The following FSD1L variants were observed in gnomAD, a reference collection of about 807,000 sequenced individuals.
FSD1L encodes the protein FSD1-like protein.
FSD1L carries 45 observed loss-of-function variants against 71.6 expected under a neutral mutation model. The ratio of observed to expected loss-of-function variants is 0.63; its 90% confidence interval spans 0.49 to 0.81. FSD1L has a LOEUF of 0.81. Ranked by LOEUF, FSD1L falls within the 30% of genes least tolerant of loss-of-function variation. The probability of loss-of-function intolerance (pLI) is 0.00; values close to 1 mark genes in which losing one functional copy is unlikely to be tolerated. For missense variants in FSD1L, 561 were observed against 618.1 expected, an observed-to-expected ratio of 0.91 and a Z score of 0.98; for synonymous variants, 197 against 207.2, an observed-to-expected ratio of 0.95 and a Z score of 0.42.
At position 105,548,902 on chromosome 9, in the gene FSD1L, G is replaced by C. The variant is rs557184653; in HGVS notation, c.*2419G>C. On this transcript the variant is annotated 3_prime_UTR_variant, in exon 14 of 14. Coordinates refer to ENST00000481272, the MANE Select transcript of FSD1L (RefSeq NM_001145313.3). ...TTAAGACGTTTTTAGTTTATTTGTT[G>C]TTAAGTTAAACTGGAGAAAGTTTGT... 1 of 152,062 alleles carries C rather than the reference G, an allele frequency of 6.6e-6. No individual in the cohort carries two copies. Among genetic ancestry groups the C allele is most frequent in the Admixed American group, 6.5e-5 (1 of 15,274 alleles). 9.4% of individuals were successfully genotyped at this position (152,062 alleles called of 1,614,324 possible). A position where few individuals can be genotyped will look rare whatever the true frequency, so the allele number is the denominator to read the frequency against.
intron 12 of FSD1L, 133 bp from the exon 13 acceptor site, chr9:105,539,129 TA>T: frequency 1.8e-6 from 1 of 554,878 alleles, no homozygotes; most frequent in South Asian, 2.4e-5. Context: ...CAAGTGAGAA[TA>T]ATTAATCCAG....
At chr9:105,535,028 G>A (rs760170054) in intron 11 of FSD1L, 39 bp from the exon 12 acceptor site, 2 of 1,546,586 alleles carry the variant, frequency 1.3e-6, no homozygotes, top group African/African-American at 2.7e-5. Flanking sequence ...GACTCATAAG[G>A]AAGAGATGAG....
intron 3 of FSD1L, among the ~76,000 whole-genome samples, chr9:105,464,585 C>T (rs568025569): frequency 6.6e-6 from 1 of 152,222 alleles, no homozygotes; most frequent in African/African-American, 2.4e-5. Flanking sequence ...AGTCCTTTTC[C>T]ATTTGACATT....
chr9:105,457,024 C>T (rs111569253), intron 1 of FSD1L, among the ~76,000 whole-genome samples: 2,390 of 152,190 alleles, frequency 0.016, 89 homozygotes, highest in African/African-American at 0.054. Context: ...TTGATAGAAT[C>T]CCATGGGGCA....
chr9:105,466,475 C>G (rs1481858625), intron 3 of FSD1L, among the ~76,000 whole-genome samples: 1 of 152,020 alleles, frequency 6.6e-6, no homozygotes, highest in African/African-American at 2.4e-5. Context: ...GGTGGATCAC[C>G]TGAAGTCAGG....
Position 105,535,272 on chromosome 9 carries a change from T to C in FSD1L, c.1332T>C (p.Asp444=). The change falls in exon 12 of 14, where the codon GAT becomes GAC. Residue 444 remains aspartate (D), a synonymous_variant. Coordinates refer to ENST00000481272, the MANE Select transcript of FSD1L (RefSeq NM_001145313.3). The part of the protein sequence containing the change: ...AKHNNKVKAL[D]VTVPEKIGVF... Reference sequence around the variant, plus strand: ...ATAATAATAAAGTCAAAGCTTTGGATGTTACTGTTCCTGAAAAAATAGGTG... The same window carrying C: ...ATAATAATAAAGTCAAAGCTTTGGACGTTACTGTTCCTGAAAAAATAGGTG... 1 of 1,551,674 alleles carries C rather than the reference T, an allele frequency of 6.4e-7. No homozygotes were observed. Among genetic ancestry groups the C allele is most frequent in the Non-Finnish European group, 8.7e-7 (1 of 1,146,924 alleles).
chr9:105,485,537 T>G (rs1832484425), intron 7 of FSD1L, among the ~76,000 whole-genome samples: 1 of 149,270 alleles, frequency 6.7e-6, no homozygotes, highest in Admixed American at 6.7e-5. Context: ...TTAGGTGTTT[T>G]TTTTTTTTTT....
intron 5 of FSD1L, among the ~76,000 whole-genome samples, chr9:105,477,285 T>C (rs1831868141): frequency 6.6e-6 from 1 of 152,020 alleles, no homozygotes; most frequent in African/African-American, 2.4e-5. Flanking sequence ...AAAAAAAAAC[T>C]GATAAGAGGC....
chr9:105,471,712 A>T (rs1432269099), intron 4 of FSD1L, among the ~76,000 whole-genome samples, 192 bp from the exon 5 acceptor site: 1 of 129,842 alleles, frequency 7.7e-6, no homozygotes, highest in Non-Finnish European at 1.6e-5. Context: ...TATATAAAAA[A>T]AATAACACGT....
chr9:105,509,571 G>C (rs959331753), intron 9 of FSD1L, among the ~76,000 whole-genome samples: 1 of 152,096 alleles, frequency 6.6e-6, no homozygotes, highest in Admixed American at 6.5e-5. Context: ...CTGACCTCTA[G>C]TTCATATAGC....
At chr9:105,461,972 G>C (rs201470630) in intron 2 of FSD1L, among the ~76,000 whole-genome samples, 1 of 150,758 alleles carries the variant, frequency 6.6e-6, no homozygotes, top group Non-Finnish European at 1.5e-5. Context: ...AAAAAAAAAG[G>C]CTTCTCATTA....
At chr9:105,467,305 TAGTC>T (rs1831149554) in intron 3 of FSD1L, among the ~76,000 whole-genome samples, 1 of 152,218 alleles carries the variant, frequency 6.6e-6, no homozygotes, top group African/African-American at 2.4e-5. Context: ...TTAGTTCTCT[TAGTC>T]AGTGCCAGTT....
chr9:105,445,007 CTTTAT>C (rs1326867700), upstream of FSD1L, among the ~76,000 whole-genome samples: 3 of 152,190 alleles, frequency 2.0e-5, no homozygotes, highest in South Asian at 2.1e-4. Context: ...AAGAAAAATG[CTTTAT>C]TTTATTTGTA....
chr9:105,490,291 C>T (rs1220365052), intron 7 of FSD1L, among the ~76,000 whole-genome samples: 2 of 152,158 alleles, frequency 1.3e-5, no homozygotes, highest in African/African-American at 4.8e-5. Context: ...CTGTTGGCTG[C>T]ATAAATGTCT....
chr9:105,514,138 G>A (rs1234764146), intron 10 of FSD1L, among the ~76,000 whole-genome samples: 1 of 152,206 alleles, frequency 6.6e-6, no homozygotes, highest in Non-Finnish European at 1.5e-5. Context: ...GAGTAATAAT[G>A]TGCTTATTTG....
intron 7 of FSD1L, among the ~76,000 whole-genome samples, chr9:105,490,114 C>A (rs1394288172): frequency 6.6e-6 from 1 of 152,222 alleles, no homozygotes; most frequent in Admixed American, 6.5e-5. Context: ...AGTTTACAGT[C>A]CCACCAACAG....
Position 105,515,647 on chromosome 9 carries a change from G to A in FSD1L, c.1025+2711G>A, listed in dbSNP as rs1453106306. The stretch of plus-strand genomic sequence containing the variant: ...CAGAGCCTGAGGAACGGTGCACTCC[G>A]GTTCAGATACTGCACTTTTCCCACA... On this transcript the variant is annotated intron_variant, in intron 10 of 13. Coordinates refer to ENST00000481272, the MANE Select transcript of FSD1L (RefSeq NM_001145313.3). Among the ~76,000 whole-genome samples, 7 of 152,180 alleles carry A rather than the reference G, an allele frequency of 4.6e-5. No homozygotes were observed. The East Asian group carries it at 7.7e-4, about 17-fold the overall frequency.
intron 5 of FSD1L, chr9:105,472,953 G>A (rs1831567148): frequency 6.6e-6 from 1 of 152,088 alleles, no homozygotes; most frequent in East Asian, 1.9e-4. Flanking sequence ...CACATAGGTG[G>A]ACTTATTATA....
chr9:105,521,375 G>A (rs998122842), intron 10 of FSD1L: 88 of 1,613,984 alleles, frequency 5.5e-5, no homozygotes, highest in Admixed American at 1.7e-4. Flanking sequence ...GCACTCTCAC[G>A]GAGCGAGAAC....
Sources: allele counts gnomAD v4.1 joint callset (sites outside exome capture counted in the v4.1 genomes callset), GRCh38; gene constraint gnomAD v4.1.1; transcripts MANE v1.5; gene names NCBI Gene and HGNC (gene_info 2026-07-23, HGNC 2026-07-21).